CYP4F2: variants seen among roughly 807,000 people sequenced by gnomAD.
CYP4F2 encodes the protein cytochrome P450 4F2.
CYP4F2 carries 58 observed loss-of-function variants against 58.9 expected under a neutral mutation model. That is an observed-to-expected ratio of 0.98 (90% confidence interval 0.80 to 1.23). The LOEUF (loss-of-function observed/expected upper bound fraction) is 1.23. CYP4F2 is among the 50% of genes most tolerant of loss of function. The probability of loss-of-function intolerance (pLI) is 0.00; values close to 1 mark genes in which losing one functional copy is unlikely to be tolerated. For missense variants in CYP4F2, 616 were observed against 685.6 expected, an observed-to-expected ratio of 0.90 and a Z score of 1.13; for synonymous variants, 287 against 261.1, an observed-to-expected ratio of 1.10 and a Z score of -0.95.
intron 9 of CYP4F2, among the ~76,000 whole-genome samples, chr19:15,882,155 G>A (rs947784664): frequency 6.6e-6 from 1 of 152,026 alleles, no homozygotes. Context: ...TGAGGCAGGA[G>A]AATCACTTGA....
Position 15,897,566 on chromosome 19 carries a change from C to G in CYP4F2, c.46G>C (p.Ala16Pro), listed in dbSNP as rs114099324. Residue 16 changes from alanine (A) to proline (P), a missense_variant, in exon 2 of 13, where the codon GCA becomes CCA. Coordinates refer to ENST00000221700, the MANE Select transcript of CYP4F2 (RefSeq NM_001082.5). ...LSWLGLWPVA[A>P]SPWLLLLLVG... Reference sequence around the variant, plus strand: ...AGCAGGAGGAGCAGCCAAGGGGATGCTGCCACTGGCCAGAGGCCCAGCCAG... The same window carrying G: ...AGCAGGAGGAGCAGCCAAGGGGATGGTGCCACTGGCCAGAGGCCCAGCCAG... The G allele has an allele frequency of 7.1e-4, 1,146 of 1,613,954 alleles. 9 individuals are homozygous for G. The African/African-American group carries it at 0.013, about 18-fold the overall frequency.
chr19:15,897,334 CA>C, intron 2 of CYP4F2, 79 bp downstream of exon 2: 2 of 811,264 alleles, frequency 2.5e-6, no homozygotes. Context: ...CCCACCCCTT[CA>C]CCCCCACTCC....
Position 15,897,413 on chromosome 19 carries a change from C to T in CYP4F2, c.198+1G>A. The T allele has an allele frequency of 6.2e-7, 1 of 1,611,226 alleles. No homozygotes were observed. Among genetic ancestry groups the T allele is most frequent in the Non-Finnish European group, 8.5e-7 (1 of 1,178,450 alleles). On this transcript the variant is annotated splice_donor_variant, in intron 2 of 12. Transcript: ENST00000221700. LOFTEE classifies it high-confidence loss of function. ...TAGACCCATCCTGCTGCCACACTCA[C>T]CATGCCCTGGTGTCCCCAAAACCAG...
chr19:15,891,580 T>C (rs1160370068), intron 5 of CYP4F2, among the ~76,000 whole-genome samples: 3 of 152,212 alleles, frequency 2.0e-5, no homozygotes, highest in Admixed American at 2.0e-4. Context: ...ACAGAGCCTA[T>C]TTTATCCCCC....
chr19:15,892,664 G>C (rs1273857910), intron 3 of CYP4F2, 82 bp from the exon 4 acceptor site: 3 of 1,560,110 alleles, frequency 1.9e-6, no homozygotes, highest in Non-Finnish European at 2.6e-6. Flanking sequence ...CCCAGCAAGA[G>C]GTTTGCACTT....
In CYP4F2 at chr19:15,898,011, C is replaced by T. The variant is rs759160160; in HGVS notation, c.-2+15G>A. On this transcript the variant is annotated intron_variant, in intron 1 of 12. Coordinates refer to ENST00000221700, the MANE Select transcript of CYP4F2 (RefSeq NM_001082.5). ...GCCAGGACCCCCCCCAGGCCTGCCA[C>T]CCCCAGCCTGGCACCTTCTGTCAGG... 1.6e-3 allele frequency: 376 copies of T among 235,386 alleles called. 2 individuals carry two copies. Among genetic ancestry groups the T allele is most frequent in the South Asian group, 3.7e-3 (75 of 20,164 alleles). The allele number at this position is 235,386 out of a possible 1,614,324, so 14.6% of individuals were successfully genotyped here. A position where few individuals can be genotyped will look rare whatever the true frequency, so the allele number is the denominator to read the frequency against.
At chr19:15,883,181 T>C (rs1204405052) in intron 9 of CYP4F2, among the ~76,000 whole-genome samples, 1 of 152,104 alleles carries the variant, frequency 6.6e-6, no homozygotes, top group African/African-American at 2.4e-5. Context: ...AAGAATCAAC[T>C]TACAGAATGG....
intron 1 of CYP4F2, 65 bp from the exon 2 acceptor site, chr19:15,897,677 G>C: frequency 6.3e-7 from 1 of 1,582,816 alleles, no homozygotes; most frequent in African/African-American, 1.3e-5. Flanking sequence ...GGACCTCCAG[G>C]GACAGTGGAG....
rs751528640 is a variant in CYP4F2 at position 15,889,533 on chromosome 19, C to T, written c.808G>A (p.Val270Ile). The T allele has an allele frequency of 2.0e-5, 32 of 1,614,086 alleles. No homozygotes were observed. Among genetic ancestry groups the T allele is most frequent in the East Asian group, 6.7e-5 (3 of 44,880 alleles). The change falls in exon 7 of 13, where the codon GTC (valine) becomes ATC (isoleucine). Residue 270 changes from valine (V) to isoleucine (I), a missense_variant. By Grantham distance (29) the Val-to-Ile change is conservative (BLOSUM62 3). Coordinates refer to ENST00000221700, the MANE Select transcript of CYP4F2 (RefSeq NM_001082.5). The stretch of plus-strand genomic sequence containing the variant: ...AGAGTGCGGCGCCGCTCCTGGATGA[C>T]GGCATCTGTGAAGTCGTGCACCAGG... ...CRLVHDFTDA[V>I]IQERRRTLPS...
intron 9 of CYP4F2, among the ~76,000 whole-genome samples, chr19:15,884,013 C>A (rs955094416): frequency 6.6e-6 from 1 of 151,762 alleles, no homozygotes; most frequent in Non-Finnish European, 1.5e-5. Context: ...GAGCCAAGAT[C>A]GTGCCACCGC....
In CYP4F2 at chr19:15,898,000, C is replaced by G. The variant is rs1422286632; in HGVS notation, c.-2+26G>C. The stretch of plus-strand genomic sequence containing the variant: ...CTCCATCCCAGGCCAGGACCCCCCC[C>G]AGGCCTGCCACCCCCAGCCTGGCAC... On this transcript the variant is annotated intron_variant, in intron 1 of 12. Transcript: ENST00000221700. 3 of 237,952 alleles carry G rather than the reference C, an allele frequency of 1.3e-5. No homozygotes were observed. In the Admixed American group the frequency reaches 1.8e-4, roughly 14 times the overall value. 14.7% of individuals were successfully genotyped at this position (237,952 alleles called of 1,614,324 possible).
At chr19:15,879,923 C>A in intron 9 of CYP4F2, 26 bp from the exon 10 acceptor site, 1 of 1,612,462 alleles carries the variant, frequency 6.2e-7, no homozygotes, top group Non-Finnish European at 8.5e-7. Flanking sequence ...AGCCCCAATC[C>A]TTATCAAGGG....
At chr19:15,892,907 C>T (rs990564598) in intron 3 of CYP4F2, among the ~76,000 whole-genome samples, 5 of 152,172 alleles carry the variant, frequency 3.3e-5, no homozygotes, top group African/African-American at 1.2e-4. Context: ...CAGAATGCTT[C>T]ACAAGGACCT....
chr19:15,890,206 A>C, intron 6 of CYP4F2, 106 bp downstream of exon 6: 1 of 1,581,296 alleles, frequency 6.3e-7, no homozygotes, highest in Non-Finnish European at 8.6e-7. Flanking sequence ...GGTATAACAA[A>C]ACTCCTCCAG....
At position 15,889,604 on chromosome 19, in the gene CYP4F2, A is replaced by T; in HGVS notation, c.737T>A (p.Leu246Gln). The T allele has an allele frequency of 2.5e-6, 4 of 1,614,222 alleles. No individual in the cohort carries two copies. Among genetic ancestry groups the T allele is most frequent in the Non-Finnish European group, 3.4e-6 (4 of 1,180,044 alleles). ...CTGCCCATCAGGGGTGAGATAATAC[A>T]GGAAGTCAATATGCAGGAGGATCTC... ...HHEILLHIDF[L>Q]YYLTPDGQRF... The change falls in exon 7 of 13, where the codon CTG becomes CAG. Residue 246 changes from leucine to glutamine, a missense_variant. Coordinates refer to ENST00000221700, the MANE Select transcript of CYP4F2 (RefSeq NM_001082.5).
Position 15,884,548 on chromosome 19 carries a change from T to A in CYP4F2, c.1115+1376A>T, listed in dbSNP as rs534891103. ...GACAGATATCCCAAGTACACTGATT[T>A]GATCTTTACCAGTTATATGAATGTA... On this transcript the variant is annotated intron_variant, in intron 9 of 12. Transcript: ENST00000221700. 1.8e-4 allele frequency among the ~76,000 whole-genome samples: 27 copies of A among 152,364 alleles called. No homozygotes were observed. The South Asian group carries it at 4.6e-3, about 26-fold the overall frequency.
intron 9 of CYP4F2, among the ~76,000 whole-genome samples, chr19:15,884,878 T>C (rs2089367220): frequency 6.6e-6 from 1 of 151,940 alleles, no homozygotes; most frequent in African/African-American, 2.4e-5. Context: ...CCTAGAAAGA[T>C]CTTCCTGGTA....
At position 15,878,818 on chromosome 19, in the gene CYP4F2, G is replaced by A; in HGVS notation, c.1516C>T (p.Leu506=). Residue 506 remains leucine (L), a synonymous_variant, in exon 13 of 13, where the codon CTG becomes TTG. Coordinates refer to ENST00000221700, the MANE Select transcript of CYP4F2 (RefSeq NM_001082.5). ...TEPRRKPELV[L]RAEGGLWLRV... ...AGCCAAAGTCCGCCCTCTGCGCGCA[G>A]GACCAGCTCCGGCTTCCTGCGGGGC... The A allele has an allele frequency of 6.2e-7, 1 of 1,613,956 alleles. No individual in the cohort carries two copies.
chr19:15,895,733 G>A, intron 2 of CYP4F2, 83 bp from the exon 3 acceptor site: 1 of 1,500,412 alleles, frequency 6.7e-7, no homozygotes, highest in Non-Finnish European at 8.8e-7. Flanking sequence ...TGCCCAGGTA[G>A]TTGGTCAAAC....
Sources: gnomAD v4.1 joint callset for allele counts (sites outside exome capture counted in the v4.1 genomes callset) on GRCh38, gnomAD v4.1.1 for gene constraint, MANE v1.5 for transcripts, NCBI Gene and HGNC (gene_info 2026-07-23, HGNC 2026-07-21) for gene names.